Variants in SEMA6D observed in about 807,000 individuals in gnomAD.
SEMA6D encodes the protein semaphorin 6D, also known as semaphorin-6D.
In SEMA6D, 35 loss-of-function variants were observed where a neutral mutation model predicts 106.6. The observed-to-expected ratio is 0.33, with a 90% confidence interval of 0.25 to 0.44. SEMA6D has a LOEUF of 0.44. Among genes scored for constraint, SEMA6D ranks in the 20% least tolerant of loss-of-function variants. The pLI, the probability that SEMA6D is intolerant of heterozygous loss-of-function variation, is 1.00. For synonymous variants in SEMA6D, 499 were observed against 487.7 expected (o/e 1.02, Z -0.31); for missense variants, 1,185 against 1,345.9 (o/e 0.88, Z 1.87).
At chr15:47,296,152 C>T (rs1160873793) in intron 1 of SEMA6D, among the ~76,000 whole-genome samples, 1 of 152,166 alleles carries the variant, frequency 6.6e-6, no homozygotes. Context: ...CCTTCCAACC[C>T]AACCCCATTT....
intron 1 of SEMA6D, among the ~76,000 whole-genome samples, chr15:47,402,569 G>A (rs1238221759): frequency 8.5e-5 from 13 of 152,244 alleles, no homozygotes; most frequent in South Asian, 8.3e-4. Context: ...GTGTTGGGGC[G>A]CTTTCAGGTT....
chr15:47,650,547 G>C (rs879896289), intron 4 of SEMA6D, among the ~76,000 whole-genome samples: 26 of 152,318 alleles, frequency 1.7e-4, no homozygotes, highest in Non-Finnish European at 2.2e-4. Context: ...CCTGTCAATA[G>C]ATTGAGGTAC....
chr15:47,596,267 C>T (rs192188597), intron 3 of SEMA6D, among the ~76,000 whole-genome samples: 14 of 151,954 alleles, frequency 9.2e-5, no homozygotes, highest in African/African-American at 2.2e-4. Flanking sequence ...CGTAGAACAT[C>T]GATAAAAGAA....
chr15:47,491,560 G>T (rs2043477001), intron 3 of SEMA6D, among the ~76,000 whole-genome samples: 1 of 152,152 alleles, frequency 6.6e-6, no homozygotes. Context: ...CTTCTTAGGG[G>T]ATGGTAAGGA....
intron 4 of SEMA6D, among the ~76,000 whole-genome samples, chr15:47,660,207 A>C (rs371452174): frequency 6.7e-6 from 1 of 148,904 alleles, no homozygotes; most frequent in South Asian, 2.1e-4. Context: ...AAAAAAAAAA[A>C]CCTGAGAAAT....
At chr15:47,198,657 G>A (rs1327754508) in intron 1 of SEMA6D, among the ~76,000 whole-genome samples, 2 of 152,190 alleles carry the variant, frequency 1.3e-5, no homozygotes, top group East Asian at 1.9e-4. Context: ...ACTTGCAATT[G>A]GATGAGATTT....
intron 4 of SEMA6D, among the ~76,000 whole-genome samples, chr15:47,676,126 G>A (rs993125610): frequency 6.6e-6 from 1 of 152,114 alleles, no homozygotes; most frequent in African/African-American, 2.4e-5. Flanking sequence ...CATTGGTAGT[G>A]GCTAATCTCT....
At chr15:47,436,941 A>T (rs1758349783) in intron 2 of SEMA6D, among the ~76,000 whole-genome samples, 1 of 148,832 alleles carries the variant, frequency 6.7e-6, no homozygotes, top group Non-Finnish European at 1.5e-5. Context: ...TTCAGAAAAA[A>T]AAAAATAAAA....
At chr15:47,595,363 T>C (rs1393154225) in intron 3 of SEMA6D, among the ~76,000 whole-genome samples, 2 of 152,238 alleles carry the variant, frequency 1.3e-5, no homozygotes, top group Non-Finnish European at 2.9e-5. Flanking sequence ...TTTGCTAATA[T>C]GATATTTCAC....
intron 4 of SEMA6D, among the ~76,000 whole-genome samples, chr15:47,623,947 C>T (rs919592384): frequency 6.6e-5 from 10 of 152,140 alleles, no homozygotes; most frequent in African/African-American, 2.2e-4. Flanking sequence ...AAAAATCCTT[C>T]GATGTGTCCC....
In SEMA6D at chr15:47,771,591, G is replaced by C. The variant is rs146298834; in HGVS notation, c.3028G>C (p.Asp1010His). Residue 1010 changes from aspartate (D) to histidine (H), a missense_variant, in exon 19 of 19, where the codon GAC becomes CAC. Physicochemically the swap from Asp to His is moderately conservative, Grantham distance 81. This residue lies in a region of SEMA6D where 750 missense variants were observed against 783.5 expected (regional missense o/e 0.96). Coordinates refer to ENST00000536845, the MANE Select transcript of SEMA6D (RefSeq NM_001358351.3). ...GCCCACCCCCACTGGGGCGAAGGTGGACTATATTCAGGGAACACCAGTGAG... is the reference window on the plus strand; with the variant it reads ...GCCCACCCCCACTGGGGCGAAGGTGCACTATATTCAGGGAACACCAGTGAG... ...YMPTPTGAKV[D>H]YIQGTPVSVH... 6.2e-7 allele frequency: 1 copy of C among 1,614,020 alleles called. No individual in the cohort carries two copies. The highest frequency in any genetic ancestry group is 8.5e-7 in the Non-Finnish European group (1 of 1,179,998).
At chr15:47,748,324 C>A (rs1460640510) in intron 1 of SEMA6D, among the ~76,000 whole-genome samples, 1 of 152,196 alleles carries the variant, frequency 6.6e-6, no homozygotes, top group Non-Finnish European at 1.5e-5. Flanking sequence ...CAGTGTTCTA[C>A]CTTCTTTCTT....
chr15:47,316,248 A>G (rs778421723), intron 1 of SEMA6D, among the ~76,000 whole-genome samples: 1 of 151,274 alleles, frequency 6.6e-6, no homozygotes, highest in Non-Finnish European at 1.5e-5. Context: ...ACCCGCCACC[A>G]CGCCTAGCTA....
intron 1 of SEMA6D, among the ~76,000 whole-genome samples, chr15:47,227,878 G>T (rs2031851573): frequency 7.2e-6 from 1 of 139,194 alleles, no homozygotes; most frequent in Admixed American, 7.5e-5. Flanking sequence ...ATATATATAA[G>T]AATCATATAT....
At chr15:47,243,072 C>G (rs1269212977) in intron 1 of SEMA6D, among the ~76,000 whole-genome samples, 1 of 152,130 alleles carries the variant, frequency 6.6e-6, no homozygotes, top group Admixed American at 6.6e-5. Context: ...CAAGGCTATA[C>G]TGAGCACTTT....
At chr15:47,548,231 G>A (rs1245950484) in intron 3 of SEMA6D, among the ~76,000 whole-genome samples, 3 of 152,182 alleles carry the variant, frequency 2.0e-5, no homozygotes, top group Non-Finnish European at 2.9e-5. Flanking sequence ...ACACAGAAGT[G>A]GGTCTGCTTA....
intron 1 of SEMA6D, among the ~76,000 whole-genome samples, chr15:47,353,235 G>T (rs2038399694): frequency 6.6e-6 from 1 of 152,056 alleles, no homozygotes; most frequent in Non-Finnish European, 1.5e-5. Context: ...TACGTGTTTT[G>T]TCTTTGTAAT....
intron 1 of SEMA6D, among the ~76,000 whole-genome samples, chr15:47,256,331 C>A (rs1393331079): frequency 1.3e-5 from 2 of 152,116 alleles, no homozygotes; most frequent in Non-Finnish European, 2.9e-5. Flanking sequence ...GCTTTCCAAT[C>A]CATGAATATG....
At chr15:47,730,532 C>G in intron 1 of SEMA6D, 11 of 1,319,980 alleles carry the variant, frequency 8.3e-6, no homozygotes, top group Non-Finnish European at 1.2e-5. Context: ...AACTCCTGCT[C>G]GAAGGACAGG....
Sources: allele counts gnomAD v4.1 joint callset (sites outside exome capture counted in the v4.1 genomes callset), GRCh38; gene constraint gnomAD v4.1.1; regional missense constraint gnomAD v4.1.1; transcripts MANE v1.5; gene names NCBI Gene and HGNC (gene_info 2026-07-23, HGNC 2026-07-21).